Variants in CHRM2 observed in about 807,000 individuals in gnomAD.
The protein encoded by CHRM2 is muscarinic acetylcholine receptor M2.
A neutral mutation model predicts 25.0 loss-of-function variants in CHRM2; 8 were observed. The observed-to-expected ratio is 0.32, with a 90% CI of 0.19 to 0.58. The LOEUF is 0.58. Among genes scored for constraint, CHRM2 ranks in the 20% least tolerant of loss-of-function variants. The pLI is 0.88. For synonymous variants in CHRM2, 202 were observed against 205.7 expected, an observed-to-expected ratio of 0.98 and a Z score of 0.15; for missense variants, 440 against 567.1, an observed-to-expected ratio of 0.78 and a Z score of 2.28.
rs112690710 is a variant in CHRM2 at position 136,962,354 on chromosome 7, C to T, written c.-124-29833C>T. The stretch of plus-strand genomic sequence containing the variant: ...TTCGCCGTGTTGGCCAGGCTAGTCT[C>T]GAACTCCTGGCCTCAAGTGATCAGC... On this transcript the variant is annotated intron_variant, in intron 2 of 3. Coordinates refer to ENST00000680005, the MANE Select transcript of CHRM2 (RefSeq NM_001006630.2). Among the ~76,000 whole-genome samples the T allele has an allele frequency of 9.8e-3, 1,485 of 152,192 alleles. 27 individuals are homozygous for T. The highest frequency in any genetic ancestry group is 0.033 in the African/African-American group (1,390 of 41,522).
At chr7:136,926,992 A>C (rs1584768748) in intron 2 of CHRM2, among the ~76,000 whole-genome samples, 1 of 152,302 alleles carries the variant, frequency 6.6e-6, no homozygotes, top group Middle Eastern at 3.4e-3. Flanking sequence ...TTTGCCTTAA[A>C]GTCACCAATT....
intron 2 of CHRM2, among the ~76,000 whole-genome samples, chr7:136,883,429 C>A (rs1014458982): frequency 3.9e-5 from 6 of 151,936 alleles, no homozygotes; most frequent in African/African-American, 1.5e-4. Flanking sequence ...TAGTCTGATG[C>A]CTTTATTTTA....
chr7:137,007,893 T>A (rs1804552696), intron 3 of CHRM2, among the ~76,000 whole-genome samples: 1 of 152,154 alleles, frequency 6.6e-6, no homozygotes, highest in Admixed American at 6.6e-5. Context: ...TCTCTCTTTT[T>A]CTTTTTCATG....
intron 2 of CHRM2, among the ~76,000 whole-genome samples, chr7:136,928,182 A>G (rs990380136): frequency 5.9e-5 from 9 of 152,212 alleles, no homozygotes; most frequent in Non-Finnish European, 1.3e-4. Context: ...AAGAGTAAGA[A>G]CAAGAAGAAA....
At chr7:136,909,897 A>T (rs1396352872) in intron 2 of CHRM2, among the ~76,000 whole-genome samples, 1 of 151,880 alleles carries the variant, frequency 6.6e-6, no homozygotes, top group African/African-American at 2.4e-5. Flanking sequence ...GTACTAGTTC[A>T]TTTGCAGAGT....
intron 2 of CHRM2, among the ~76,000 whole-genome samples, chr7:136,945,863 A>G (rs933901067): frequency 6.6e-6 from 1 of 152,138 alleles, no homozygotes; most frequent in African/African-American, 2.4e-5. Flanking sequence ...ACACTAAGCA[A>G]TTCCTATCTT....
intron 2 of CHRM2, among the ~76,000 whole-genome samples, chr7:136,883,827 G>A (rs903380820): frequency 6.6e-6 from 1 of 152,136 alleles, no homozygotes; most frequent in African/African-American, 2.4e-5. Context: ...TGACAGGTAT[G>A]AAATGACGCC....
intron 2 of CHRM2, among the ~76,000 whole-genome samples, chr7:136,933,076 T>C (rs1200551706): frequency 6.6e-6 from 1 of 151,756 alleles, no homozygotes; most frequent in Middle Eastern, 3.2e-3. Context: ...TTTTTTTAAA[T>C]AGATAAATTG....
chr7:136,965,089 G>C (rs1390288828), intron 2 of CHRM2, among the ~76,000 whole-genome samples: 1 of 152,020 alleles, frequency 6.6e-6, no homozygotes, highest in Non-Finnish European at 1.5e-5. Flanking sequence ...AGATATCTAT[G>C]AATTAATGCA....
intron 3 of CHRM2, among the ~76,000 whole-genome samples, chr7:136,993,131 A>G (rs1361859710): frequency 6.6e-6 from 1 of 152,208 alleles, no homozygotes; most frequent in Non-Finnish European, 1.5e-5. Context: ...AGCTTATAGT[A>G]AGTCTGGTTC....
rs1011084298 is a variant in CHRM2, at chr7:137,019,271, C to T, written c.*3005C>T. The T allele has an allele frequency of 6.6e-6, 1 of 151,872 alleles. No individual in the cohort carries two copies. Among genetic ancestry groups the T allele is most frequent in the African/African-American group, 2.4e-5 (1 of 41,396 alleles). The allele number at this position is 151,872 out of a possible 1,614,324, so 9.4% of individuals were successfully genotyped here. A position where few individuals can be genotyped will look rare whatever the true frequency, so the allele number is the denominator to read the frequency against. On this transcript the variant is annotated 3_prime_UTR_variant, in exon 4 of 4. Transcript: ENST00000680005. ...ACCATGTATCAGAAAAACTTTTCTC[C>T]TGAGTCTGGTGTATGTGTCAGTCAC...
chr7:136,929,265 T>C (rs147146551), intron 2 of CHRM2, among the ~76,000 whole-genome samples: 3,068 of 143,214 alleles, frequency 0.021, 48 homozygotes, highest in Non-Finnish European at 0.035. Context: ...ATTTTTTTCT[T>C]TTCTTTCTTT....
chr7:137,001,341 G>A (rs545723284), intron 3 of CHRM2, among the ~76,000 whole-genome samples: 5 of 152,046 alleles, frequency 3.3e-5, no homozygotes, highest in Non-Finnish European at 7.4e-5. Flanking sequence ...TGAGCAAAAC[G>A]GGTCAAGCTG....
At chr7:136,986,619 G>C (rs984271089) in intron 2 of CHRM2, among the ~76,000 whole-genome samples, 3 of 152,078 alleles carry the variant, frequency 2.0e-5, no homozygotes, top group Non-Finnish European at 4.4e-5. Flanking sequence ...TTGTTCTTCC[G>C]TAATTTGCCT....
At chr7:136,967,398 A>C (rs993784983) in intron 2 of CHRM2, among the ~76,000 whole-genome samples, 1 of 152,034 alleles carries the variant, frequency 6.6e-6, no homozygotes, top group Non-Finnish European at 1.5e-5. Context: ...GAGAAAATGA[A>C]TGTTACTGTA....
chr7:136,993,903 CTT>C (rs150259225), intron 3 of CHRM2, among the ~76,000 whole-genome samples: 2,116 of 152,152 alleles, frequency 0.014, 40 homozygotes, highest in African/African-American at 0.049. Flanking sequence ...ACTTAAAAGT[CTT>C]AAAAAAATCC....
In CHRM2 at chr7:137,015,900, G is replaced by C; in HGVS notation, c.1035G>C (p.Glu345Asp). The change falls in exon 4 of 4, where the codon GAG becomes GAC. Residue 345 changes from glutamate (E) to aspartate (D), a missense_variant. This residue lies in a region of CHRM2 where 261 missense variants were observed against 261.8 expected (regional missense o/e 1.00). Transcript: ENST00000680005. This position sits in a 1 kb window ranked among gnomAD's most constrained non-coding sequence, Gnocchi z 5.1. ...GTACCCCAACTAATACCACCGTGGA[G>C]GTAGTGGGGTCTTCAGGTCAGAATG... ...DSCTPTNTTVEVVGSSGQNGD... is the reference protein window; with the variant it reads ...DSCTPTNTTVDVVGSSGQNGD... 1 of 1,613,148 alleles carries C rather than the reference G, an allele frequency of 6.2e-7. No homozygotes were observed. The highest frequency in any genetic ancestry group is 8.5e-7 in the Non-Finnish European group (1 of 1,179,480).
intron 2 of CHRM2, among the ~76,000 whole-genome samples, chr7:136,911,922 A>AT (rs1797864158): frequency 1.3e-5 from 2 of 151,960 alleles, no homozygotes; most frequent in East Asian, 1.9e-4. Context: ...AAATTCTTCC[A>AT]TTTTTTACAT....
chr7:136,988,825 A>G (rs982662014), intron 2 of CHRM2, among the ~76,000 whole-genome samples: 1 of 152,136 alleles, frequency 6.6e-6, no homozygotes, highest in East Asian at 1.9e-4. Flanking sequence ...AAAATGGTTG[A>G]ATATTGGCAA....
Sources: allele counts gnomAD v4.1 joint callset (sites outside exome capture counted in the v4.1 genomes callset), GRCh38; gene constraint gnomAD v4.1.1; regional missense constraint gnomAD v4.1.1; non-coding constraint Gnocchi (gnomAD v3.1); transcripts MANE v1.5; gene names NCBI Gene and HGNC (gene_info 2026-07-23, HGNC 2026-07-21).